The following LRMDA variants were observed in gnomAD, a reference collection of about 807,000 sequenced individuals.
The protein encoded by LRMDA is leucine-rich melanocyte differentiation-associated protein.
LRMDA carries 18 observed loss-of-function variants against 29.8 expected under a neutral mutation model. That is an observed-to-expected ratio of 0.60 (90% confidence interval 0.42 to 0.90). The LOEUF (loss-of-function observed/expected upper bound fraction) is 0.90. Among genes scored for constraint, LRMDA ranks in the 40% least tolerant of loss-of-function variants. The pLI, the probability that LRMDA is intolerant of heterozygous loss-of-function variation, is 0.00. For synonymous variants in LRMDA, 125 were observed against 109.4 expected (o/e 1.14, Z -0.89); for missense variants, 273 against 273.9 (o/e 1.00, Z 0.02).
chr10:76,522,495 T>C (rs556743806), intron 6 of LRMDA, among the ~76,000 whole-genome samples: 67 of 152,324 alleles, frequency 4.4e-4, no homozygotes, highest in African/African-American at 1.5e-3. Context: ...GTTGAATGAA[T>C]CAATCACTCT....
intron 5 of LRMDA, among the ~76,000 whole-genome samples, chr10:76,297,448 A>C (rs1416811469): frequency 6.6e-6 from 1 of 152,224 alleles, no homozygotes; most frequent in African/African-American, 2.4e-5. Context: ...AAGTTAAAGC[A>C]GAAGAGAACT....
intron 2 of LRMDA, among the ~76,000 whole-genome samples, chr10:75,640,973 A>G (rs1272053338): frequency 1.3e-5 from 2 of 152,146 alleles, no homozygotes; most frequent in Non-Finnish European, 2.9e-5. Context: ...TCCACCTGTG[A>G]TTGCAGGGCC....
chr10:75,496,203 T>C (rs1029467026), intron 2 of LRMDA, among the ~76,000 whole-genome samples: 2 of 152,240 alleles, frequency 1.3e-5, no homozygotes, highest in African/African-American at 4.8e-5. Flanking sequence ...ATGAAATTTT[T>C]GCTTAAAGAG....
intron 2 of LRMDA, among the ~76,000 whole-genome samples, chr10:75,905,313 T>A: frequency 6.7e-6 from 1 of 149,322 alleles, no homozygotes; most frequent in African/African-American, 2.5e-5. Context: ...AAATGGTAAC[T>A]GATTTTTTTT....
chr10:76,000,527 A>G (rs1847544684), intron 2 of LRMDA, among the ~76,000 whole-genome samples: 2 of 152,224 alleles, frequency 1.3e-5, no homozygotes, highest in Non-Finnish European at 2.9e-5. Flanking sequence ...CTCCAAATCC[A>G]GATGCCTGTT....
intron 6 of LRMDA, among the ~76,000 whole-genome samples, chr10:76,517,364 A>G (rs79190853): frequency 0.021 from 3,252 of 152,288 alleles, 70 homozygotes; most frequent in South Asian, 0.1. Flanking sequence ...AAAGTTACCT[A>G]TAAAGAAATG....
chr10:76,094,107 T>G (rs935169276), intron 5 of LRMDA, among the ~76,000 whole-genome samples: 3 of 152,132 alleles, frequency 2.0e-5, no homozygotes, highest in South Asian at 2.1e-4. Flanking sequence ...GGTCCAGACT[T>G]TGGTCTCCCA....
At chr10:76,540,223 G>A (rs1843338806) in intron 6 of LRMDA, among the ~76,000 whole-genome samples, 2 of 152,146 alleles carry the variant, frequency 1.3e-5, no homozygotes, top group Admixed American at 1.3e-4. Flanking sequence ...CACACATTGA[G>A]CAACACAATA....
intron 6 of LRMDA, among the ~76,000 whole-genome samples, chr10:76,351,172 A>G (rs1465921857): frequency 1.3e-5 from 2 of 152,140 alleles, no homozygotes; most frequent in Non-Finnish European, 2.9e-5. Flanking sequence ...TGGCAAGAGC[A>G]TGTAGGAAAT....
intron 5 of LRMDA, among the ~76,000 whole-genome samples, chr10:76,226,688 C>T (rs949726625): frequency 2.0e-5 from 3 of 152,180 alleles, no homozygotes; most frequent in Non-Finnish European, 4.4e-5. Flanking sequence ...AGTCACTTCC[C>T]TCCCTCAACA....
chr10:76,332,095 G>T (rs1396109357), intron 6 of LRMDA, among the ~76,000 whole-genome samples: 2 of 152,208 alleles, frequency 1.3e-5, no homozygotes, highest in Non-Finnish European at 2.9e-5. Context: ...AGGGTCAATA[G>T]CTTCACTCTG....
intron 5 of LRMDA, among the ~76,000 whole-genome samples, chr10:76,222,651 C>G (rs533044999): frequency 1.1e-4 from 17 of 152,288 alleles, no homozygotes; most frequent in African/African-American, 3.6e-4. Flanking sequence ...GAAATAGGAA[C>G]ACTTTTACAC....
At chr10:76,098,231 T>C (rs148634205) in intron 5 of LRMDA, among the ~76,000 whole-genome samples, 4 of 152,326 alleles carry the variant, frequency 2.6e-5, no homozygotes, top group Admixed American at 2.6e-4. Flanking sequence ...ATTTGTATTA[T>C]TCTCTACTTA....
chr10:75,495,558 C>G (rs1845035025), intron 2 of LRMDA, among the ~76,000 whole-genome samples: 1 of 152,126 alleles, frequency 6.6e-6, no homozygotes, highest in African/African-American at 2.4e-5. Context: ...GCTTTTTGCC[C>G]TTCATTGGAT....
intron 2 of LRMDA, among the ~76,000 whole-genome samples, chr10:75,757,310 A>G (rs992968380): frequency 6.6e-6 from 1 of 152,202 alleles, no homozygotes; most frequent in Non-Finnish European, 1.5e-5. Context: ...AGGAGGATTT[A>G]GGAAATTGTA....
chr10:76,513,593 A>G (rs972299623), intron 6 of LRMDA, among the ~76,000 whole-genome samples: 2 of 152,194 alleles, frequency 1.3e-5, no homozygotes, highest in African/African-American at 4.8e-5. Context: ...AGTTTGAATT[A>G]GCCCTTTAAC....
intron 5 of LRMDA, among the ~76,000 whole-genome samples, chr10:76,218,480 T>A (rs1429725603): frequency 6.6e-6 from 1 of 152,200 alleles, no homozygotes; most frequent in Non-Finnish European, 1.5e-5. Context: ...ACATGTTAAG[T>A]AAGAAATTGT....
chr10:76,027,223 G>T (rs1272151288), intron 2 of LRMDA, among the ~76,000 whole-genome samples: 1 of 152,140 alleles, frequency 6.6e-6, no homozygotes, highest in Non-Finnish European at 1.5e-5. Context: ...GCACTTAGGG[G>T]CCAGGAGAGT....
chr10:75,476,995 CTT>C (rs1180465099), intron 2 of LRMDA, among the ~76,000 whole-genome samples: 10 of 145,128 alleles, frequency 6.9e-5, no homozygotes, highest in Admixed American at 7.0e-5. Flanking sequence ...TTCTCTCTCT[CTT>C]TTTTTTTTTT....
Sources: gnomAD v4.1 joint callset for allele counts (sites outside exome capture counted in the v4.1 genomes callset) on GRCh38, gnomAD v4.1.1 for gene constraint, MANE v1.5 for transcripts, NCBI Gene and HGNC (gene_info 2026-07-23, HGNC 2026-07-21) for gene names.